Variants in CADPS observed in about 807,000 individuals in gnomAD.
The protein encoded by CADPS is calcium dependent secretion activator.
In CADPS, 57 loss-of-function variants were observed where a neutral mutation model predicts 167.3. The ratio of observed to expected loss-of-function variants is 0.34; its 90% CI spans 0.28 to 0.42. The LOEUF is 0.42. Among genes scored for constraint, CADPS ranks in the 20% least tolerant of loss-of-function variants. The pLI is 1.00. For synonymous variants in CADPS, 676 were observed against 635.3 expected (o/e 1.06, Z -0.96); for missense variants, 1,414 against 1,738.1 (o/e 0.81, Z 3.32).
chr3:62,875,338 A>G lies in CADPS; in HGVS notation c.-309T>C, dbSNP rs1246635899. 4.3e-5 allele frequency: 8 copies of G among 185,738 alleles called. No homozygotes were observed. Among genetic ancestry groups the G allele is most frequent in the African/African-American group, 1.6e-4 (7 of 42,556 alleles). 11.5% of individuals were successfully genotyped at this position (185,738 alleles called of 1,614,324 possible). A position where few individuals can be genotyped will look rare whatever the true frequency, so the allele number is the denominator to read the frequency against. ...AGCCGGATGCCATCTGCGGCTGCTG[A>G]AGGAGGCGCCTCCAGAAAAGATGCC... On this transcript the variant is annotated 5_prime_UTR_variant, in exon 1 of 30. Coordinates refer to ENST00000383710, the MANE Select transcript of CADPS (RefSeq NM_003716.4).
chr3:62,425,794 T>G (rs564471095), intron 28 of CADPS, among the ~76,000 whole-genome samples: 26 of 152,244 alleles, frequency 1.7e-4, no homozygotes, highest in Non-Finnish European at 3.4e-4. Context: ...GAAGATACAG[T>G]GTTGGTAAGT....
At chr3:62,822,653 C>A (rs2152940441) in intron 1 of CADPS, among the ~76,000 whole-genome samples, 1 of 152,100 alleles carries the variant, frequency 6.6e-6, no homozygotes, top group East Asian at 1.9e-4. Flanking sequence ...ACCAGCCTGG[C>A]CTACACGGTG....
At chr3:62,682,635 C>A (rs958481968) in intron 3 of CADPS, among the ~76,000 whole-genome samples, 4 of 152,070 alleles carry the variant, frequency 2.6e-5, no homozygotes, top group Non-Finnish European at 5.9e-5. Flanking sequence ...AGATCTGGAT[C>A]TCTGGAAAAT....
chr3:62,848,796 GT>G (rs2077981121), intron 1 of CADPS, among the ~76,000 whole-genome samples: 2 of 112,084 alleles, frequency 1.8e-5, no homozygotes, highest in South Asian at 7.7e-4. Context: ...CTTTAAAGTA[GT>G]TTTTTCCAAT....
At chr3:62,822,963 G>T (rs946728982) in intron 1 of CADPS, among the ~76,000 whole-genome samples, 1 of 152,208 alleles carries the variant, frequency 6.6e-6, no homozygotes, top group Non-Finnish European at 1.5e-5. Context: ...AAGGAACCTA[G>T]ATGTCAAGGT....
intron 1 of CADPS, among the ~76,000 whole-genome samples, chr3:62,807,799 T>C (rs968283561): frequency 1.6e-4 from 25 of 152,250 alleles, no homozygotes; most frequent in African/African-American, 6.0e-4. Context: ...AACTGTTATA[T>C]ATCTAGATTT....
At chr3:62,570,366 CA>C (rs1342878539) in intron 9 of CADPS, among the ~76,000 whole-genome samples, 1 of 152,058 alleles carries the variant, frequency 6.6e-6, no homozygotes, top group African/African-American at 2.4e-5. Flanking sequence ...ACAGATAATT[CA>C]AATTCAAACA....
At chr3:62,765,460 T>C (rs2086598572) in intron 2 of CADPS, among the ~76,000 whole-genome samples, 1 of 152,134 alleles carries the variant, frequency 6.6e-6, no homozygotes, top group Admixed American at 6.5e-5. Context: ...AACATCCTTT[T>C]AAAATGGTGT....
At chr3:62,608,525 C>T (rs1048502249) in intron 6 of CADPS, among the ~76,000 whole-genome samples, 4 of 151,978 alleles carry the variant, frequency 2.6e-5, no homozygotes, top group African/African-American at 9.7e-5. Flanking sequence ...GTGATTCACC[C>T]ACCTCGGCCT....
chr3:62,656,213 C>A (rs538865328), intron 4 of CADPS, among the ~76,000 whole-genome samples: 34 of 152,288 alleles, frequency 2.2e-4, no homozygotes, highest in African/African-American at 7.7e-4. Context: ...TATGCTCCTA[C>A]CACCACCACT....
In CADPS at chr3:62,475,034, T is replaced by A. The variant is rs1204549510; in HGVS notation, c.3330-714A>T. On this transcript the variant is annotated intron_variant, in intron 23 of 29. Coordinates refer to ENST00000383710, the MANE Select transcript of CADPS (RefSeq NM_003716.4). ...TATTTTGCAATAAAATACATTATTTTATGATTTAAAATGTCATAATATACA... is the reference window on the plus strand; with the variant it reads ...TATTTTGCAATAAAATACATTATTTAATGATTTAAAATGTCATAATATACA... Among the ~76,000 whole-genome samples the A allele has an allele frequency of 2.6e-5, 4 of 152,256 alleles. No individual in the cohort carries two copies. In the East Asian group the frequency reaches 5.8e-4, roughly 22 times the overall value.
chr3:62,400,694 G>T (rs1705701196), intron 29 of CADPS, among the ~76,000 whole-genome samples: 1 of 148,422 alleles, frequency 6.7e-6, no homozygotes, highest in Non-Finnish European at 1.5e-5. Flanking sequence ...CCACCCCCTG[G>T]GTTCAAACGA....
intron 6 of CADPS, among the ~76,000 whole-genome samples, chr3:62,624,040 G>A (rs573833357): frequency 1.8e-4 from 27 of 151,998 alleles, no homozygotes; most frequent in African/African-American, 6.5e-4. Flanking sequence ...TATGCCATTT[G>A]AGAGCCTTCT....
chr3:62,516,236 C>T, intron 15 of CADPS, 54 bp from the exon 16 acceptor site: 1 of 1,599,662 alleles, frequency 6.3e-7, no homozygotes, highest in Non-Finnish European at 8.6e-7. Flanking sequence ...ATGTGTCACT[C>T]ATCCATACTT....
intron 3 of CADPS, among the ~76,000 whole-genome samples, chr3:62,681,430 G>A (rs1283315821): frequency 6.6e-6 from 1 of 152,000 alleles, no homozygotes; most frequent in East Asian, 1.9e-4. Flanking sequence ...ACAGGGCCTG[G>A]CCTGTGTTAA....
At chr3:62,599,677 AATATTATATAATATTATAATATAT>A (rs2059464847) in intron 6 of CADPS, among the ~76,000 whole-genome samples, 1 of 52,444 alleles carries the variant, frequency 1.9e-5, no homozygotes, top group Non-Finnish European at 3.1e-5. Context: ...TTATATATAC[AATATTATATAATATTATAATATAT>A]ATATTATATA....
chr3:62,761,958 G>A (rs778645867), intron 2 of CADPS, among the ~76,000 whole-genome samples: 1 of 152,124 alleles, frequency 6.6e-6, no homozygotes, highest in Non-Finnish European at 1.5e-5. Flanking sequence ...ATCAGGAAAG[G>A]ACAAAAATAA....
At chr3:62,719,594 C>T (rs2075346080) in intron 3 of CADPS, among the ~76,000 whole-genome samples, 1 of 152,184 alleles carries the variant, frequency 6.6e-6, no homozygotes, top group African/African-American at 2.4e-5. Context: ...TTCTCAGTGC[C>T]AAGCACAGTG....
At chr3:62,594,287 A>G (rs1348612566) in intron 6 of CADPS, among the ~76,000 whole-genome samples, 3 of 149,378 alleles carry the variant, frequency 2.0e-5, no homozygotes, top group Non-Finnish European at 3.0e-5. Flanking sequence ...TCAGCCTCCC[A>G]AGTAGCTGGG....
Sources: gnomAD v4.1 joint callset for allele counts (sites outside exome capture counted in the v4.1 genomes callset) on GRCh38, gnomAD v4.1.1 for gene constraint, MANE v1.5 for transcripts, NCBI Gene and HGNC (gene_info 2026-07-23, HGNC 2026-07-21) for gene names.